The following SGK3 variants were observed in gnomAD, a reference collection of about 807,000 sequenced individuals.
The protein encoded by SGK3 is serum/glucocorticoid regulated kinase family member 3.
SGK3 carries 47 observed loss-of-function variants against 68.5 expected under a neutral mutation model. The ratio of observed to expected loss-of-function variants is 0.69; its 90% CI spans 0.54 to 0.87. The LOEUF (loss-of-function observed/expected upper bound fraction) is 0.87. Ranked by LOEUF, SGK3 falls within the 40% of genes least tolerant of loss-of-function variation. SGK3 has a pLI of 0.00. For synonymous variants in SGK3, 181 were observed against 189.1 expected, an observed-to-expected ratio of 0.96 and a Z score of 0.35; for missense variants, 479 against 575.5, an observed-to-expected ratio of 0.83 and a Z score of 1.72.
At chr8:66,851,507 C>G (rs1044229264) in intron 16 of SGK3, among the ~76,000 whole-genome samples, 2 of 150,106 alleles carry the variant, frequency 1.3e-5, no homozygotes, top group Non-Finnish European at 3.0e-5. Context: ...GGTGATAGAG[C>G]GAGACCCTGT....
At chr8:66,818,465 C>G (rs1038011699) in intron 5 of SGK3, among the ~76,000 whole-genome samples, 1 of 152,072 alleles carries the variant, frequency 6.6e-6, no homozygotes, top group African/African-American at 2.4e-5. Flanking sequence ...CTGTACAGCT[C>G]AATAAATTAT....
At chr8:66,753,166 G>A (rs986945285) in intron 1 of SGK3, among the ~76,000 whole-genome samples, 8 of 152,074 alleles carry the variant, frequency 5.3e-5, no homozygotes, top group African/African-American at 1.4e-4. Flanking sequence ...CAACAATCAC[G>A]AGATAGGTAC....
chr8:66,852,893 A>G (rs930368366), intron 16 of SGK3, among the ~76,000 whole-genome samples: 3 of 152,228 alleles, frequency 2.0e-5, no homozygotes, highest in Non-Finnish European at 4.4e-5. Flanking sequence ...ATTACATTCA[A>G]ATAAATATAT....
At chr8:66,839,395 A>G (rs952097006) in intron 10 of SGK3, among the ~76,000 whole-genome samples, 2 of 148,640 alleles carry the variant, frequency 1.3e-5, no homozygotes, top group African/African-American at 4.9e-5. Context: ...AAAAAAAACT[A>G]AAACCATGAA....
At chr8:66,742,735 G>A (rs539303927) in intron 1 of SGK3, among the ~76,000 whole-genome samples, 17 of 152,090 alleles carry the variant, frequency 1.1e-4, no homozygotes, top group Non-Finnish European at 2.2e-4. Context: ...AGATGATGTA[G>A]ACATCACTGC....
chr8:66,852,008 G>T (rs1012456735), intron 16 of SGK3, among the ~76,000 whole-genome samples: 1 of 152,078 alleles, frequency 6.6e-6, no homozygotes. Context: ...CAATATATGC[G>T]TGATTCCAGA....
intron 10 of SGK3, among the ~76,000 whole-genome samples, chr8:66,837,213 C>T (rs1054832577): frequency 2.6e-5 from 4 of 152,164 alleles, no homozygotes; most frequent in Non-Finnish European, 5.9e-5. Context: ...GACCTCTCAA[C>T]CCTCACACCT....
At chr8:66,793,974 C>T (rs1807570819) in intron 2 of SGK3, 142 bp downstream of exon 2, 1 of 882,514 alleles carries the variant, frequency 1.1e-6, no homozygotes, top group Non-Finnish European at 1.7e-6. Flanking sequence ...ATCTGTTCTC[C>T]ACAAAGTCTT....
Position 66,859,702 on chromosome 8 carries a change from A to T in SGK3, c.*121A>T, listed in dbSNP as rs905964017. On this transcript the variant is annotated 3_prime_UTR_variant, in exon 17 of 17. Transcript: ENST00000521198. ...GCCTCATTTTTATATGTAATGATGA[A>T]AACTATGAAAAAATGTATTTTCTTC... The T allele has an allele frequency of 2.6e-6, 3 of 1,152,982 alleles. No individual in the cohort carries two copies. Among genetic ancestry groups the T allele is most frequent in the Non-Finnish European group, 3.4e-6 (3 of 880,220 alleles). The allele number at this position is 1,152,982 out of a possible 1,614,324, so 71.4% of individuals were successfully genotyped here.
intron 1 of SGK3, among the ~76,000 whole-genome samples, chr8:66,713,292 A>G (rs1804544283): frequency 6.6e-6 from 1 of 152,184 alleles, no homozygotes; most frequent in Non-Finnish European, 1.5e-5. Context: ...TTGAACCCTT[A>G]CGTCTCTTCA....
chr8:66,813,926 C>A lies in SGK3; in HGVS notation c.327C>A (p.Asn109Lys). 6.3e-7 allele frequency: 1 copy of A among 1,582,480 alleles called. No individual in the cohort carries two copies. The highest frequency in any genetic ancestry group is 8.6e-7 in the Non-Finnish European group (1 of 1,165,550). Reference protein sequence around the residue: ...QNLVRYPELYNHPDVRAFLQM... With the variant: ...QNLVRYPELYKHPDVRAFLQM... Reference sequence around the variant, plus strand: ...TAGTTAGGTATCCAGAACTTTATAACCAGTAAGTAATTTTTGTTGCGTTCT... The same window carrying A: ...TAGTTAGGTATCCAGAACTTTATAAACAGTAAGTAATTTTTGTTGCGTTCT... The change falls in exon 5 of 17, where the codon AAC becomes AAA. Residue 109 changes from asparagine (N) to lysine (K), a missense_variant and splice_region_variant. Asn to Lys is a moderately conservative substitution (Grantham distance 94). This residue lies in a region of SGK3 where 298 missense variants were observed against 329.4 expected (regional missense o/e 0.90). Coordinates refer to ENST00000521198, the MANE Select transcript of SGK3 (RefSeq NM_001033578.3).
chr8:66,767,629 TC>T (rs1331039995), intron 1 of SGK3: 1 of 1,372,876 alleles, frequency 7.3e-7, no homozygotes, highest in East Asian at 2.3e-5. Context: ...GTCAAAACTC[TC>T]GAAGCCTAGA....
chr8:66,832,926 T>A (rs112421593), intron 8 of SGK3, among the ~76,000 whole-genome samples: 4,567 of 151,678 alleles, frequency 0.03, 108 homozygotes, highest in South Asian at 0.054. Context: ...TTTTTTGCCA[T>A]CTGATGGGCC....
At chr8:66,734,228 C>CTTTTTTTTTTTTTTTT (rs529741200) in intron 1 of SGK3, among the ~76,000 whole-genome samples, 4 of 104,232 alleles carry the variant, frequency 3.8e-5, no homozygotes, top group African/African-American at 6.7e-5. Flanking sequence ...CTTTTTCTTT[C>CTTTTTTTTTTTTTTTT]TTTTTTTTTT....
At chr8:66,774,949 C>T (rs779086239) in intron 1 of SGK3, among the ~76,000 whole-genome samples, 10 of 152,212 alleles carry the variant, frequency 6.6e-5, no homozygotes, top group South Asian at 2.1e-4. Flanking sequence ...TCCTTGCCCC[C>T]GCCCAAGGCT....
At chr8:66,785,215 A>T (rs905321462) in intron 1 of SGK3, among the ~76,000 whole-genome samples, 15 of 152,216 alleles carry the variant, frequency 9.9e-5, no homozygotes, top group Non-Finnish European at 1.6e-4. Flanking sequence ...TTAGAAAAGG[A>T]TGCATGTAAC....
At chr8:66,813,658 A>G (rs1301088481) in intron 4 of SGK3, among the ~76,000 whole-genome samples, 195 bp from the exon 5 acceptor site, 1 of 149,174 alleles carries the variant, frequency 6.7e-6, no homozygotes, top group East Asian at 1.9e-4. Context: ...TATGTAATAT[A>G]TAATTATATA....
chr8:66,795,427 G>A (rs1396776861), intron 2 of SGK3, among the ~76,000 whole-genome samples: 1 of 152,168 alleles, frequency 6.6e-6, no homozygotes, highest in African/African-American at 2.4e-5. Flanking sequence ...TCACATTGAA[G>A]GTAAACAAAG....
chr8:66,719,316 A>C (rs536697054), intron 1 of SGK3, among the ~76,000 whole-genome samples: 1 of 145,094 alleles, frequency 6.9e-6, no homozygotes, highest in Non-Finnish European at 1.5e-5. Flanking sequence ...TTTTTCTTTT[A>C]TTTGTTTGTT....
Sources: gnomAD v4.1 joint callset for allele counts (sites outside exome capture counted in the v4.1 genomes callset) on GRCh38, gnomAD v4.1.1 for gene constraint, gnomAD v4.1.1 regional missense constraint, MANE v1.5 for transcripts, NCBI Gene and HGNC (gene_info 2026-07-23, HGNC 2026-07-21) for gene names.